XG: variants seen among roughly 807,000 people sequenced by gnomAD.
XG encodes the protein Xg glycoprotein (Xg blood group).
In XG, 24 loss-of-function variants were observed where a neutral mutation model predicts 25.7. That is an observed-to-expected ratio of 0.93 (90% CI 0.68 to 1.31). The LOEUF is 1.31. Among genes scored for constraint, XG ranks in the 40% most tolerant of loss-of-function variants. The pLI is 0.00. For synonymous variants in XG, 77 were observed against 69.2 expected (o/e 1.11, Z -0.56); for missense variants, 181 against 187.6 (o/e 0.96, Z 0.21).
chrX:2,773,549 G>A (rs2050887867), intron 2 of XG, among the ~76,000 whole-genome samples: 1 of 111,460 alleles, frequency 9.0e-6, no homozygotes, highest in African/African-American at 3.5e-5. Context: ...GAAGGAAGGA[G>A]AGAAGGAAGG....
In XG at chrX:2,786,260, C is replaced by CTTTTTTTTTTTTTTT. The variant is rs1179667048; in HGVS notation, c.191-3381_191-3367dup. Among the ~76,000 whole-genome samples, 28 of 60,565 alleles carry CTTTTTTTTTTTTTTT rather than the reference C, an allele frequency of 4.6e-4. 6 individuals are homozygous for CTTTTTTTTTTTTTTT. The highest frequency in any genetic ancestry group is 1.3e-3 in the African/African-American group (19 of 14,219). 52.6% of individuals were successfully genotyped at this position (60,565 alleles called of 115,157 possible). A position where few individuals can be genotyped will look rare whatever the true frequency, so the allele number is the denominator to read the frequency against. ...CCCCAGCAGCTCCTATCCATGTTGT[C>CTTTTTTTTTTTTTTT]TTTTTTTTTTTTTTTTTCAGACAGA... On this transcript the variant is annotated intron_variant, in intron 4 of 10. Transcript: ENST00000644266.
intron 1 of XG, among the ~76,000 whole-genome samples, chrX:2,756,917 C>A (rs1448184517): frequency 2.6e-5 from 4 of 152,208 alleles, no homozygotes; most frequent in African/African-American, 9.7e-5. Context: ...TTAGCTCTGC[C>A]ATCCGCACGT....
At chrX:2,796,901 A>G (rs761634344) in intron 6 of XG, among the ~76,000 whole-genome samples, 48 of 112,099 alleles carry the variant, frequency 4.3e-4, no homozygotes, top group Admixed American at 1.1e-3. Flanking sequence ...ACTAAAAATT[A>G]CTAGTTATTT....
chrX:2,789,089 A>G (rs183605934), intron 4 of XG, among the ~76,000 whole-genome samples: 135 of 110,659 alleles, frequency 1.2e-3, no homozygotes, highest in African/African-American at 4.2e-3. Context: ...AAATTAGCCA[A>G]CTATGGTGGT....
rs757569796 is a variant in XG at position 2,782,121 on chromosome X, C to T, written c.183C>T (p.Ser61=). The T allele has an allele frequency of 1.6e-5, 19 of 1,211,647 alleles. 1 individual carries two copies. Among genetic ancestry groups the T allele is most frequent in the Admixed American group, 1.3e-4 (6 of 46,042 alleles). The change falls in exon 4 of 11, where the codon AGC becomes AGT. Residue 61 remains serine (S), a synonymous_variant. Transcript: ENST00000644266. ...PYYPQPENPD[S]GGNIYPRPKP... is the part of the protein sequence containing the mutation. Reference sequence around the variant, plus strand: ...ACCCACAGCCCGAGAATCCCGACAGCGGTGGAAGTAAGAATCCGCAGGCCT... The same window carrying T: ...ACCCACAGCCCGAGAATCCCGACAGTGGTGGAAGTAAGAATCCGCAGGCCT...
intron 3 of XG, among the ~76,000 whole-genome samples, chrX:2,777,590 C>G (rs964656212): frequency 6.6e-6 from 1 of 150,510 alleles, no homozygotes; most frequent in Non-Finnish European, 1.5e-5. Context: ...CAGGCTTTGT[C>G]TCAAAAATAA....
In XG at chrX:2,782,091, T is replaced by G; in HGVS notation, c.153T>G (p.Pro51=). The G allele has an allele frequency of 8.3e-7, 1 of 1,211,817 alleles. No individual in the cohort carries two copies. Residue 51 remains proline, a synonymous_variant, in exon 4 of 11, where the codon CCT becomes CCG. Coordinates refer to ENST00000644266, the MANE Select transcript of XG (RefSeq NM_001141919.2). ...ATATCTACCCAAAGCCAAAACCACCTTACTACCCACAGCCCGAGAATCCCG... is the reference window on the plus strand; with the variant it reads ...ATATCTACCCAAAGCCAAAACCACCGTACTACCCACAGCCCGAGAATCCCG... The part of the protein sequence containing the change: ...NSDIYPKPKP[P]YYPQPENPDS...
intron 7 of XG, 147 bp from the exon 8 acceptor site, chrX:2,806,554 A>G (rs1268702356): frequency 8.0e-6 from 4 of 501,360 alleles, no homozygotes. Flanking sequence ...GCGCCTGTGC[A>G]CCTTCCCTGG....
rs186486676 is a variant in XG, at chrX:2,787,822, G to A, written c.191-1822G>A. Among the ~76,000 whole-genome samples, 457 of 108,172 alleles carry A rather than the reference G, an allele frequency of 4.2e-3. 2 individuals carry two copies. Among genetic ancestry groups the A allele is most frequent in the African/African-American group, 0.015 (432 of 29,522 alleles). The allele number at this position is 108,172 out of a possible 115,157, so 93.9% of individuals were successfully genotyped here. On this transcript the variant is annotated intron_variant, in intron 4 of 10. Coordinates refer to ENST00000644266, the MANE Select transcript of XG (RefSeq NM_001141919.2). Reference sequence around the variant, plus strand: ...CTTGGGAGGCTGGGGCCAGAGAATCGCTTGAACCCAGGAGGCGGAGGTTGC... The same window carrying A: ...CTTGGGAGGCTGGGGCCAGAGAATCACTTGAACCCAGGAGGCGGAGGTTGC...
At chrX:2,796,384 G>A (rs2086886423) in intron 6 of XG, among the ~76,000 whole-genome samples, 1 of 108,998 alleles carries the variant, frequency 9.2e-6, no homozygotes, top group Non-Finnish European at 1.9e-5. Flanking sequence ...ATATATAGGT[G>A]TATACCTTTA....
intron 3 of XG, among the ~76,000 whole-genome samples, chrX:2,778,461 C>T (rs2051048687): frequency 6.6e-6 from 1 of 152,114 alleles, no homozygotes; most frequent in African/African-American, 2.4e-5. Flanking sequence ...GGGAGGATCA[C>T]CTGTGCCCAG....
intron 7 of XG, among the ~76,000 whole-genome samples, chrX:2,801,070 G>T (rs311191): frequency 0.28 from 29,911 of 108,237 alleles, 4,287 homozygotes; most frequent in African/African-American, 0.54. Flanking sequence ...CATCTTTCTG[G>T]AACTAGCTAA....
chrX:2,759,818 C>A (rs1414070601), intron 1 of XG, among the ~76,000 whole-genome samples: 1 of 152,180 alleles, frequency 6.6e-6, no homozygotes, highest in African/African-American at 2.4e-5. Context: ...CCAGACACGG[C>A]AAAGCTCCTG....
At chrX:2,764,144 C>G (rs753690868) in intron 1 of XG, among the ~76,000 whole-genome samples, 1 of 152,240 alleles carries the variant, frequency 6.6e-6, no homozygotes, top group East Asian at 1.9e-4. Context: ...TTGTGTCTTC[C>G]CACCAGCACC....
chrX:2,789,262 G>A (rs1167397192), intron 4 of XG, among the ~76,000 whole-genome samples: 2 of 111,574 alleles, frequency 1.8e-5, no homozygotes, highest in Non-Finnish European at 3.8e-5. Context: ...CAAATGAAAC[G>A]GTGTAACTCA....
intron 3 of XG, among the ~76,000 whole-genome samples, chrX:2,778,637 C>T (rs1311730764): frequency 6.6e-6 from 1 of 152,182 alleles, no homozygotes; most frequent in East Asian, 1.9e-4. Flanking sequence ...TTGAAACAGA[C>T]TGAATTGTGT....
chrX:2,805,867 C>T (rs1260323137), intron 7 of XG, among the ~76,000 whole-genome samples: 4 of 111,821 alleles, frequency 3.6e-5, no homozygotes, highest in Non-Finnish European at 7.5e-5. Flanking sequence ...GGGGTTAGGA[C>T]TGCGACCTGT....
rs1174976604 is a variant in XG, at chrX:2,752,351, C to T, written c.61+16C>T. 6.2e-7 allele frequency: 1 copy of T among 1,612,562 alleles called. No individual in the cohort carries two copies. The highest frequency in any genetic ancestry group is 1.3e-5 in the African/African-American group (1 of 74,852). On this transcript the variant is annotated intron_variant, in intron 1 of 10. Coordinates refer to ENST00000644266, the MANE Select transcript of XG (RefSeq NM_001141919.2). ...CACGCCCGAGGTAAGAGGCATTTTGCTTTGAGGGAGATCTGCCTGGGCATG... is the reference window on the plus strand; with the variant it reads ...CACGCCCGAGGTAAGAGGCATTTTGTTTTGAGGGAGATCTGCCTGGGCATG...
In XG at chrX:2,774,715, G is replaced by A. The variant is rs767076342; in HGVS notation, c.104-1G>A. 23 of 1,613,694 alleles carry A rather than the reference G, an allele frequency of 1.4e-5. No individual in the cohort carries two copies. Among genetic ancestry groups the A allele is most frequent in the Admixed American group, 5.0e-5 (3 of 59,968 alleles). On this transcript the variant is annotated splice_acceptor_variant, in intron 2 of 10. Transcript: ENST00000644266. LOFTEE classifies it high-confidence loss of function. ...CATTTATTTTCTCTCTTTGTTCACA[G>A]AACCCACCAAGAAGCCAAACTCAGG...
Sources: gnomAD v4.1 joint callset for allele counts (sites outside exome capture counted in the v4.1 genomes callset) on GRCh38, gnomAD v4.1.1 for gene constraint, MANE v1.5 for transcripts, NCBI Gene and HGNC (gene_info 2026-07-23, HGNC 2026-07-21) for gene names.